The following C2CD3 variants were observed in gnomAD, a reference collection of about 807,000 sequenced individuals.
C2CD3 encodes C2 domain-containing protein 3.
C2CD3 carries 148 observed loss-of-function variants against 234.0 expected under a neutral mutation model. The ratio of observed to expected loss-of-function variants is 0.63; its 90% CI spans 0.55 to 0.72. The LOEUF is 0.72. Ranked by LOEUF, C2CD3 falls within the 30% of genes least tolerant of loss-of-function variation. The probability of loss-of-function intolerance (pLI) is 0.00; values close to 1 mark genes in which losing one functional copy is unlikely to be tolerated. For missense variants in C2CD3, 2,577 were observed against 2,811.5 expected (o/e 0.92, Z 1.89); for synonymous variants, 1,000 against 1,035.4 (o/e 0.97, Z 0.66).
intron 16 of C2CD3, among the ~76,000 whole-genome samples, chr11:74,096,125 C>G (rs558875368): frequency 6.6e-6 from 1 of 152,218 alleles, no homozygotes; most frequent in African/African-American, 2.4e-5. Context: ...GGCACTATAC[C>G]AAACAGCTCA....
intron 20 of C2CD3, among the ~76,000 whole-genome samples, chr11:74,086,478 C>T (rs1955647939): frequency 6.6e-6 from 1 of 152,186 alleles, no homozygotes; most frequent in African/African-American, 2.4e-5. Flanking sequence ...TAAGTGACCT[C>T]GTTTTGGTCT....
At chr11:74,090,964 G>C (rs1955869715) in intron 19 of C2CD3, 28 bp from the exon 20 acceptor site, 2 of 1,611,196 alleles carry the variant, frequency 1.2e-6, no homozygotes, top group African/African-American at 1.3e-5. Context: ...AAGGAAAGAA[G>C]GTTGGTCAGA....
At chr11:74,057,964 C>T (rs1331825282) in intron 24 of C2CD3, among the ~76,000 whole-genome samples, 2 of 152,142 alleles carry the variant, frequency 1.3e-5, no homozygotes, top group Non-Finnish European at 1.5e-5. Context: ...GTCAATCAAT[C>T]AATCAATCAA....
In C2CD3 at chr11:74,103,205, G is replaced by C. The variant is rs1174587801; in HGVS notation, c.2506C>G (p.Leu836Val). The change falls in exon 14 of 33, where the codon CTC (leucine) becomes GTC (valine). Residue 836 changes from leucine (L) to valine (V), a missense_variant. Leu to Val is a conservative substitution (Grantham distance 32). Coordinates refer to ENST00000334126, the MANE Select transcript of C2CD3 (RefSeq NM_001286577.2). ...SPCNVYLNCK[L>V]FSTEEVTRSV... ...CTGGTGACTTCCTCTGTGCTGAAGA[G>C]TTTACAATTTAAATAAACATTGCAT... is the stretch of plus-strand genomic sequence containing the variant. The C allele has an allele frequency of 1.9e-6, 3 of 1,614,042 alleles. No homozygotes were observed. Among genetic ancestry groups the C allele is most frequent in the Non-Finnish European group, 2.5e-6 (3 of 1,180,006 alleles).
chr11:74,043,406 C>G (rs1953172636), intron 28 of C2CD3, among the ~76,000 whole-genome samples: 1 of 152,178 alleles, frequency 6.6e-6, no homozygotes, highest in Non-Finnish European at 1.5e-5. Flanking sequence ...GCATGAGTTG[C>G]TTCTACTTTT....
At chr11:74,077,708 C>A (rs976996271) in intron 23 of C2CD3, among the ~76,000 whole-genome samples, 5 of 143,302 alleles carry the variant, frequency 3.5e-5, no homozygotes, top group Admixed American at 2.9e-4. Context: ...AGCAAACCAC[C>A]ATGGCACATG....
At chr11:74,044,904 T>TA (rs1953286419) in intron 28 of C2CD3, among the ~76,000 whole-genome samples, 1 of 151,988 alleles carries the variant, frequency 6.6e-6, no homozygotes, top group Non-Finnish European at 1.5e-5. Context: ...TTTTTTTTTT[T>TA]AATGGCTGTG....
chr11:74,072,659 G>A (rs996540338), intron 24 of C2CD3, among the ~76,000 whole-genome samples: 1 of 151,958 alleles, frequency 6.6e-6, no homozygotes, highest in Non-Finnish European at 1.5e-5. Context: ...TAGGGACACA[G>A]GGATAAATAT....
intron 20 of C2CD3, among the ~76,000 whole-genome samples, chr11:74,087,464 T>C (rs753467288): frequency 2.0e-4 from 31 of 151,926 alleles, no homozygotes; most frequent in South Asian, 1.7e-3. Flanking sequence ...ACTCAGAGGC[T>C]GAGTCAGGAG....
In C2CD3 at chr11:74,161,457, T is replaced by C; in HGVS notation, c.425A>G (p.Gln142Arg). The C allele has an allele frequency of 6.2e-7, 1 of 1,601,336 alleles. No homozygotes were observed. Among genetic ancestry groups the C allele is most frequent in the Non-Finnish European group, 8.5e-7 (1 of 1,173,180 alleles). Residue 142 changes from glutamine (Q) to arginine (R), a missense_variant, in exon 3 of 33, where the codon CAA (glutamine) becomes CGA (arginine). Physicochemically the swap from Gln to Arg is conservative, Grantham distance 43 (BLOSUM62 1). Transcript: ENST00000334126. ...AACAATGGTAAAAAATCCATTGATT[T>C]GATGGGTTGGAGAAAGTTGAGCTAG... ...NGLAQLSPTH[Q>R]INGFFTIVSS... is the part of the protein sequence containing the mutation.
chr11:74,035,620 T>C (rs1952703916), intron 30 of C2CD3, among the ~76,000 whole-genome samples: 1 of 152,166 alleles, frequency 6.6e-6, no homozygotes, highest in African/African-American at 2.4e-5. Flanking sequence ...TCTCTCAAGT[T>C]TCACTCATAT....
At position 74,152,918 on chromosome 11, in the gene C2CD3, A is replaced by G. The variant is rs533752496; in HGVS notation, c.483+8481T>C. Among the ~76,000 whole-genome samples, 7 of 152,342 alleles carry G rather than the reference A, an allele frequency of 4.6e-5. No individual in the cohort carries two copies. In the South Asian group the frequency reaches 1.4e-3, roughly 32 times the overall value. On this transcript the variant is annotated intron_variant, in intron 3 of 32. Transcript: ENST00000334126. ...TAAAGGACAAATATGAAAAACCTAT[A>G]TCTAACATCACATTTAATAGTGAAA...
At chr11:74,091,610 A>G (rs1282796797) in intron 19 of C2CD3, among the ~76,000 whole-genome samples, 1 of 152,220 alleles carries the variant, frequency 6.6e-6, no homozygotes, top group African/African-American at 2.4e-5. Flanking sequence ...ATATCATTCA[A>G]ATCTCCAAAT....
Position 74,109,213 on chromosome 11 carries a change from C to T in C2CD3, c.1844-61G>A, listed in dbSNP as rs17132721. The T allele has an allele frequency of 0.027, 22,284 of 827,522 alleles. 1,276 individuals are homozygous for T. The highest frequency in any genetic ancestry group is 0.2 in the African/African-American group (11,396 of 55,756). 51.3% of individuals were successfully genotyped at this position (827,522 alleles called of 1,614,324 possible). ...CACCCAACTGAAGTCATCATCAATT[C>T]ATGCCTTGATACCACCTGCCTCCCT... On this transcript the variant is annotated intron_variant, in intron 11 of 32. Transcript: ENST00000334126.
rs771481924 is a variant in C2CD3 at position 74,074,473 on chromosome 11, G to A, written c.4731C>T (p.Ser1577=). ...PTHELDSMDC[S]SHSESEQLPR... Reference sequence around the variant, plus strand: ...GGAGCTGCTCAGACTCACTGTGGCTGCTGCAGTCCATGGAGTCCAGCTCAT... The same window carrying A: ...GGAGCTGCTCAGACTCACTGTGGCTACTGCAGTCCATGGAGTCCAGCTCAT... The change falls in exon 24 of 33, where the codon AGC becomes AGT. Residue 1577 remains serine (S), a synonymous_variant. Coordinates refer to ENST00000334126, the MANE Select transcript of C2CD3 (RefSeq NM_001286577.2). 1 of 1,614,086 alleles carries A rather than the reference G, an allele frequency of 6.2e-7. No homozygotes were observed. The highest frequency in any genetic ancestry group is 1.3e-5 in the African/African-American group (1 of 74,944).
chr11:74,036,929 C>T (rs1019258000), intron 30 of C2CD3, among the ~76,000 whole-genome samples: 14 of 152,092 alleles, frequency 9.2e-5, no homozygotes, highest in Admixed American at 7.9e-4. Context: ...TTTTAAAAGT[C>T]CCTCAATAAT....
At chr11:74,073,315 A>G (rs1352856576) in intron 24 of C2CD3, among the ~76,000 whole-genome samples, 3 of 152,178 alleles carry the variant, frequency 2.0e-5, no homozygotes, top group Non-Finnish European at 4.4e-5. Flanking sequence ...GGTCTGGCAC[A>G]GTGGCTCACG....
chr11:74,057,690 G>C (rs1406135581), intron 24 of C2CD3, 146 bp from the exon 25 acceptor site: 37 of 843,654 alleles, frequency 4.4e-5, no homozygotes, highest in Non-Finnish European at 5.7e-5. Context: ...ATGTTTTCAG[G>C]CTGGGTGTAG....
rs750376126 is a variant in C2CD3 at position 74,168,389 on chromosome 11, A to G, written c.280T>C (p.Tyr94His). 4 of 1,614,026 alleles carry G rather than the reference A, an allele frequency of 2.5e-6. No homozygotes were observed. The highest frequency in any genetic ancestry group is 4.5e-5 in the East Asian group (2 of 44,886). ...EPKAVRTTTR[Y>H]AIRCGPKQFT... Reference sequence around the variant, plus strand: ...TGTTTTGGACCACAACGAATAGCGTAACGTGTAGTTGTTCTCACAGCTTTT... The same window carrying G: ...TGTTTTGGACCACAACGAATAGCGTGACGTGTAGTTGTTCTCACAGCTTTT... The change falls in exon 2 of 33, where the codon TAC becomes CAC. Residue 94 changes from tyrosine to histidine, a missense_variant. Tyr to His is a moderately conservative substitution (Grantham distance 83). Coordinates refer to ENST00000334126, the MANE Select transcript of C2CD3 (RefSeq NM_001286577.2).
Sources: gnomAD v4.1 joint callset for allele counts (sites outside exome capture counted in the v4.1 genomes callset) on GRCh38, gnomAD v4.1.1 for gene constraint, MANE v1.5 for transcripts, NCBI Gene and HGNC (gene_info 2026-07-23, HGNC 2026-07-21) for gene names.